The following RFX6 variants were observed in gnomAD, a reference collection of about 807,000 sequenced individuals.
RFX6 encodes the protein DNA-binding protein RFX6.
In RFX6, 50 loss-of-function variants were observed where a neutral mutation model predicts 110.8. That is an observed-to-expected ratio of 0.45 (90% CI 0.36 to 0.57). RFX6 has a LOEUF of 0.57. RFX6 is among the 20% of genes least tolerant of loss of function. RFX6 has a pLI of 0.00. For missense variants in RFX6, 990 were observed against 1,127.0 expected, an observed-to-expected ratio of 0.88 and a Z score of 1.74; for synonymous variants, 383 against 411.2, an observed-to-expected ratio of 0.93 and a Z score of 0.83.
At chr6:116,924,813 G>A in intron 15 of RFX6, 22 bp downstream of exon 15, 1 of 1,513,840 alleles carries the variant, frequency 6.6e-7, no homozygotes, top group Non-Finnish European at 9.2e-7. Context: ...TAACTGTTTT[G>A]TTTTGCATAT....
Position 116,909,689 on chromosome 6 carries a change from T to A in RFX6, c.673-1246T>A, listed in dbSNP as rs1344448983. 3.4e-5 allele frequency among the ~76,000 whole-genome samples: 5 copies of A among 148,736 alleles called. No individual in the cohort carries two copies. In the East Asian group the frequency reaches 5.9e-4, roughly 17 times the overall value. ...TAAAGTAAAAATTAAACATAATTTT[T>A]AAAAATGAATTTCTACTATATTTTA... On this transcript the variant is annotated intron_variant, in intron 6 of 18. Coordinates refer to ENST00000332958, the MANE Select transcript of RFX6 (RefSeq NM_173560.4).
intron 4 of RFX6, among the ~76,000 whole-genome samples, chr6:116,884,322 G>A (rs1774654151): frequency 1.3e-5 from 2 of 151,978 alleles, no homozygotes; most frequent in Admixed American, 1.3e-4. Flanking sequence ...CATATTTTGA[G>A]GACAGAAACT....
At chr6:116,902,796 C>T (rs944747580) in intron 6 of RFX6, among the ~76,000 whole-genome samples, 2 of 152,034 alleles carry the variant, frequency 1.3e-5, no homozygotes, top group Non-Finnish European at 2.9e-5. Flanking sequence ...ATCAAATCCT[C>T]CCTCCTTGGT....
chr6:116,922,032 T>TTC lies in RFX6; in HGVS notation c.1328-10_1328-9insTC. 11 of 1,157,786 alleles carry TTC rather than the reference T, an allele frequency of 9.5e-6. No homozygotes were observed. Among genetic ancestry groups the TTC allele is most frequent in the Non-Finnish European group, 1.4e-5 (11 of 773,456 alleles). The allele number at this position is 1,157,786 out of a possible 1,614,324, so 71.7% of individuals were successfully genotyped here. A position where few individuals can be genotyped will look rare whatever the true frequency, so the allele number is the denominator to read the frequency against. The stretch of plus-strand genomic sequence containing the variant: ...TTCTTTTCTTTCTTTTTTTTTTTTT[T>TTC]CCTGGGTAGATGACTCTATCACTGT... On this transcript the variant is annotated splice_polypyrimidine_tract_variant and intron_variant, in intron 12 of 18. Coordinates refer to ENST00000332958, the MANE Select transcript of RFX6 (RefSeq NM_173560.4).
chr6:116,923,275 T>C (rs1775641894), intron 14 of RFX6, 51 bp downstream of exon 14: 2 of 892,382 alleles, frequency 2.2e-6, no homozygotes, highest in Admixed American at 3.4e-5. Context: ...TATAATTTGT[T>C]CCTCAGTCAC....
At chr6:116,900,460 G>GGCC (rs1775043570) in intron 6 of RFX6, among the ~76,000 whole-genome samples, 1 of 152,002 alleles carries the variant, frequency 6.6e-6, no homozygotes, top group South Asian at 2.1e-4. Flanking sequence ...TTGTCATGTT[G>GGCC]GCCAGGTTGG....
chr6:116,889,412 G>A (rs1319204260), intron 4 of RFX6, among the ~76,000 whole-genome samples: 1 of 151,992 alleles, frequency 6.6e-6, no homozygotes, highest in Non-Finnish European at 1.5e-5. Flanking sequence ...TTTAGTATGG[G>A]AGGTAAGCCA....
chr6:116,913,381 C>G (rs957470735), intron 7 of RFX6, among the ~76,000 whole-genome samples: 2 of 152,092 alleles, frequency 1.3e-5, no homozygotes, highest in African/African-American at 4.8e-5. Context: ...TTCTTTAAGG[C>G]CGAAAGAATG....
Position 116,916,297 on chromosome 6 carries a change from G to T in RFX6, c.955G>T (p.Asp319Tyr). 1 of 1,607,194 alleles carries T rather than the reference G, an allele frequency of 6.2e-7. No individual in the cohort carries two copies. The highest frequency in any genetic ancestry group is 1.1e-5 in the South Asian group (1 of 90,892). ...PVIIDIFCVC[D>Y]SILYKVLTDV... ...TATCATTGATATTTTCTGTGTTTGT[G>T]ACTCAATTCTTTATAAGGTAAGCAC... The change falls in exon 9 of 19, where the codon GAC becomes TAC. Residue 319 changes from aspartate (D) to tyrosine (Y), a missense_variant. Physicochemically the swap from Asp to Tyr is radical, Grantham distance 160. This residue lies in a region of RFX6 where 243 missense variants were observed against 353.1 expected (regional missense o/e 0.69). Transcript: ENST00000332958.
Position 116,927,491 on chromosome 6 carries a change from G to GGAGCTGC in RFX6, c.2351_2357dup (p.Gly790LeufsTer9). The GGAGCTGC allele has an allele frequency of 6.2e-7, 1 of 1,614,020 alleles. No individual in the cohort carries two copies. The highest frequency in any genetic ancestry group is 8.5e-7 in the Non-Finnish European group (1 of 1,179,996). On this transcript the variant is annotated frameshift_variant, in exon 17 of 19. Transcript: ENST00000332958. ...AAGCTTCAATTTCTTGAGCAACACA[G>GGAGCTGC]GAGCTGCCAGCTGCCAAGGAGCAAC...
At position 116,877,377 on chromosome 6, in the gene RFX6, C is replaced by A; in HGVS notation, c.102C>A (p.Gly34=). The part of the protein sequence containing the change: ...IQEDCCVQLL[G]KGLLVYPEET... ...AAGACTGCTGTGTGCAGCTCCTGGG[C>A]AAGGGCTTGCTAGTCTATCCGGAAG... Residue 34 remains glycine, a synonymous_variant, in exon 1 of 19, where the codon GGC becomes GGA. Coordinates refer to ENST00000332958, the MANE Select transcript of RFX6 (RefSeq NM_173560.4). The A allele has an allele frequency of 6.2e-7, 1 of 1,610,818 alleles. No individual in the cohort carries two copies. The highest frequency in any genetic ancestry group is 1.1e-5 in the South Asian group (1 of 90,236).
In RFX6 at chr6:116,925,559, G is replaced by T. The variant is rs1487336743; in HGVS notation, c.1785G>T (p.Val595=). 1 of 1,614,020 alleles carries T rather than the reference G, an allele frequency of 6.2e-7. No homozygotes were observed. The highest frequency in any genetic ancestry group is 2.2e-5 in the East Asian group (1 of 44,880). The change falls in exon 16 of 19, where the codon GTG becomes GTT. Residue 595 remains valine, a synonymous_variant. Transcript: ENST00000332958. ...SSDAVKNESH[V]ETTYLPLPSS... ...ACGCTGTGAAGAATGAAAGCCACGT[G>T]GAGACAACCTATCTCCCTCTGCCAT...
chr6:116,930,138 A>G (rs1275546154), intron 18 of RFX6, among the ~76,000 whole-genome samples: 1 of 152,220 alleles, frequency 6.6e-6, no homozygotes, highest in African/African-American at 2.4e-5. Context: ...AGTAGGGTGG[A>G]GTCTAAGCTT....
intron 18 of RFX6, among the ~76,000 whole-genome samples, chr6:116,929,894 G>A (rs1384371259): frequency 6.6e-6 from 1 of 152,142 alleles, no homozygotes; most frequent in East Asian, 1.9e-4. Context: ...TAATTCAATA[G>A]GAAGTACTCC....
At chr6:116,907,703 T>A (rs1775237338) in intron 6 of RFX6, among the ~76,000 whole-genome samples, 1 of 152,102 alleles carries the variant, frequency 6.6e-6, no homozygotes, top group South Asian at 2.1e-4. Context: ...TATTCTGTTG[T>A]TGTTGGGTAG....
intron 6 of RFX6, among the ~76,000 whole-genome samples, chr6:116,900,203 T>C (rs1775036158): frequency 1.3e-5 from 2 of 152,214 alleles, no homozygotes; most frequent in Admixed American, 1.3e-4. Context: ...ACCAAGTCTT[T>C]AAAGTATTTA....
In RFX6 at chr6:116,920,445, T is replaced by C. The variant is rs1248869184; in HGVS notation, c.1318T>C (p.Tyr440His). The C allele has an allele frequency of 1.2e-6, 2 of 1,613,200 alleles. No homozygotes were observed. The highest frequency in any genetic ancestry group is 1.7e-5 in the Admixed American group (1 of 59,978). ...SGSTDTESGI[Y>H]TEHDSITVFQ... ...CAGCACAGACACTGAATCTGGTATC[T>C]ACACTGAACGTAAGTCCATTCTCTT... Residue 440 changes from tyrosine to histidine, a missense_variant, in exon 12 of 19, where the codon TAC becomes CAC. By Grantham distance (83) the Tyr-to-His change is moderately conservative (BLOSUM62 2). This residue lies in a region of RFX6 where 45 missense variants were observed against 29.3 expected (regional missense o/e 1.53). Transcript: ENST00000332958.
chr6:116,905,452 A>G (rs1439026305), intron 6 of RFX6, among the ~76,000 whole-genome samples: 1 of 152,172 alleles, frequency 6.6e-6, no homozygotes, highest in African/African-American at 2.4e-5. Flanking sequence ...TCCCTTATGA[A>G]ACATGATTTG....
chr6:116,927,728 A>G (rs2114704699), intron 17 of RFX6, among the ~76,000 whole-genome samples, 189 bp downstream of exon 17: 1 of 148,198 alleles, frequency 6.7e-6, no homozygotes, highest in South Asian at 2.1e-4. Context: ...GGCTTTCCTA[A>G]AGTTGCCCTT....
Sources: allele counts gnomAD v4.1 joint callset (sites outside exome capture counted in the v4.1 genomes callset), GRCh38; gene constraint gnomAD v4.1.1; regional missense constraint gnomAD v4.1.1; transcripts MANE v1.5; gene names NCBI Gene and HGNC (gene_info 2026-07-23, HGNC 2026-07-21).